Variants in FCRLB observed in about 807,000 individuals in gnomAD.
FCRLB encodes Fc receptor like B.
In FCRLB, 34 loss-of-function variants were observed where a neutral mutation model predicts 33.6. The observed-to-expected ratio is 1.01, with a 90% CI of 0.77 to 1.35. FCRLB has a LOEUF of 1.35. Ranked by LOEUF, FCRLB falls within the 40% of genes most tolerant of loss-of-function variation. The pLI is 0.00. For synonymous variants in FCRLB, 280 were observed against 255.9 expected (o/e 1.09, Z -0.90); for missense variants, 560 against 580.2 (o/e 0.97, Z 0.36).
intron 5 of FCRLB, among the ~76,000 whole-genome samples, chr1:161,724,937 G>A (rs896488538): frequency 6.6e-6 from 1 of 152,164 alleles, no homozygotes; most frequent in East Asian, 1.9e-4. Context: ...GGACAAGCAG[G>A]TGAACTTAAA....
chr1:161,723,734 A>G (rs1683451327), intron 5 of FCRLB, 113 bp downstream of exon 5: 3 of 1,455,020 alleles, frequency 2.1e-6, no homozygotes, highest in Admixed American at 2.2e-5. Flanking sequence ...CAAGGGCCAC[A>G]CTGGGGCCTA....
Position 161,726,580 on chromosome 1 carries a change from C to A in FCRLB, c.575-123C>A. ...CTCCCCTTCCCCCTCCACGTGGACA[C>A]ACGGCCTCCTCCCCTCCCCCCTTGG... is the stretch of plus-strand genomic sequence containing the variant. On this transcript the variant is annotated intron_variant, in intron 6 of 7. Transcript: ENST00000367948. This position sits in a 1 kb window ranked among gnomAD's most constrained non-coding sequence, Gnocchi z 5.2. 1 of 1,359,156 alleles carries A rather than the reference C, an allele frequency of 7.4e-7. No individual in the cohort carries two copies. The highest frequency in any genetic ancestry group is 1.0e-6 in the Non-Finnish European group (1 of 986,168). 84.2% of individuals were successfully genotyped at this position (1,359,156 alleles called of 1,614,324 possible). A position where few individuals can be genotyped will look rare whatever the true frequency, so the allele number is the denominator to read the frequency against.
chr1:161,722,458 G>A (rs1219569641), intron 2 of FCRLB, among the ~76,000 whole-genome samples, 195 bp from the exon 3 acceptor site: 1 of 152,182 alleles, frequency 6.6e-6, no homozygotes, highest in Non-Finnish European at 1.5e-5. Flanking sequence ...CTGTAGATGC[G>A]GTAGATGAGA....
chr1:161,727,230 G>C lies in FCRLB; in HGVS notation c.866-17G>C. The stretch of plus-strand genomic sequence containing the variant: ...AACCATGCAAGCCGCGCGTGACTGG[G>C]CGTAATGCATTCACAGGTTCTCCCC... On this transcript the variant is annotated splice_polypyrimidine_tract_variant and intron_variant, in intron 7 of 7. Coordinates refer to ENST00000367948, the Ensembl canonical transcript of FCRLB. 1.3e-6 allele frequency: 2 copies of C among 1,579,388 alleles called. No individual in the cohort carries two copies. The highest frequency in any genetic ancestry group is 1.7e-6 in the Non-Finnish European group (2 of 1,160,148).
chr1:161,726,699 G>A lies in FCRLB; in HGVS notation c.575-4G>A, dbSNP rs371131821. 4.3e-5 allele frequency: 68 copies of A among 1,588,872 alleles called. No individual in the cohort carries two copies. The highest frequency in any genetic ancestry group is 2.0e-4 in the East Asian group (9 of 44,094). On this transcript the variant is annotated splice_region_variant and splice_polypyrimidine_tract_variant and intron_variant, in intron 6 of 7. Transcript: ENST00000367948. The surrounding 1 kb of genome is among the most constrained non-coding windows in gnomAD (Gnocchi z 5.2). ...GGCGCCGTTGCTCCCCGCCCTCTCC[G>A]TAGAGCTGTTCCGGGCGCCGGTGCT...
intron 2 of FCRLB, 29 bp from the exon 3 acceptor site, chr1:161,722,624 C>T (rs1476856706): frequency 1.2e-6 from 2 of 1,610,454 alleles, no homozygotes; most frequent in Admixed American, 3.3e-5. Context: ...TTCCCCATCT[C>T]ATGCCAGTGC....
In FCRLB at chr1:161,726,079, C is replaced by G. The variant is rs1420358656; in HGVS notation, c.566C>G (p.Thr189Arg). The G allele has an allele frequency of 1.1e-5, 18 of 1,608,666 alleles. No individual in the cohort carries two copies. The highest frequency in any genetic ancestry group is 1.4e-5 in the Non-Finnish European group (17 of 1,176,266). ...ATGTTCTCCGCTAAGGTGGCTGTGA[C>G]AGTGCAAGGTGGGAGAGACCAGGGG... The change falls in exon 6 of 8, where the codon ACA becomes AGA. Residue 189 changes from threonine to arginine, a missense_variant. By Grantham distance (71) the Thr-to-Arg change is moderately conservative. Transcript: ENST00000367948. The surrounding 1 kb of genome is among the most constrained non-coding windows in gnomAD (Gnocchi z 5.2).
Position 161,726,848 on chromosome 1 carries a change from C to G in FCRLB, c.720C>G (p.Ser240Arg). ...TGCAGTTCGCGTTTTACAAGTACAG[C>G]CGCGCGGTGCGCCGCTTCGACTGGG... Residue 240 changes from serine to arginine, a missense_variant, in exon 7 of 8, where the codon AGC (serine) becomes AGG (arginine). Coordinates refer to ENST00000367948, the Ensembl canonical transcript of FCRLB. This position sits in a 1 kb window ranked among gnomAD's most constrained non-coding sequence, Gnocchi z 5.2. The G allele has an allele frequency of 6.4e-7, 1 of 1,573,614 alleles. No homozygotes were observed. Among genetic ancestry groups the G allele is most frequent in the African/African-American group, 1.4e-5 (1 of 73,908 alleles).
chr1:161,726,570 C>T lies in FCRLB; in HGVS notation c.575-133C>T. The T allele has an allele frequency of 7.9e-7, 1 of 1,263,034 alleles. No individual in the cohort carries two copies. The highest frequency in any genetic ancestry group is 1.1e-6 in the Non-Finnish European group (1 of 898,298). 78.2% of individuals were successfully genotyped at this position (1,263,034 alleles called of 1,614,324 possible). A position where few individuals can be genotyped will look rare whatever the true frequency, so the allele number is the denominator to read the frequency against. On this transcript the variant is annotated intron_variant, in intron 6 of 7. Coordinates refer to ENST00000367948, the Ensembl canonical transcript of FCRLB. This position sits in a 1 kb window ranked among gnomAD's most constrained non-coding sequence, Gnocchi z 5.2. ...TTTCAGAAGGCTCCCCTTCCCCCTC[C>T]ACGTGGACACACGGCCTCCTCCCCT...
rs139259107 is a variant in FCRLB, at chr1:161,723,536, C to A, written c.222C>A (p.Ser74Arg). The change falls in exon 5 of 8, where the codon AGC becomes AGA. Residue 74 changes from serine to arginine, a missense_variant. Coordinates refer to ENST00000367948, the Ensembl canonical transcript of FCRLB. ...TACTTCTGCCCTCTCACAAGAAGAGCATTGAGGTGCAGACACCAGGGGTGT... is the reference window on the plus strand; with the variant it reads ...TACTTCTGCCCTCTCACAAGAAGAGAATTGAGGTGCAGACACCAGGGGTGT... The A allele has an allele frequency of 4.6e-5, 75 of 1,614,204 alleles. 1 individual carries two copies. In the African/African-American group the frequency reaches 8.8e-4, roughly 19 times the overall value.
At chr1:161,723,261 G>T (rs544349150) in intron 4 of FCRLB, 106 bp from the exon 5 acceptor site, 1 of 1,413,252 alleles carries the variant, frequency 7.1e-7, no homozygotes, top group African/African-American at 1.4e-5. Flanking sequence ...GCTGGGGCCT[G>T]CGAGCTGGGG....
chr1:161,723,352 C>A lies in FCRLB; in HGVS notation c.53-15C>A. On this transcript the variant is annotated splice_polypyrimidine_tract_variant and intron_variant, in intron 4 of 7. Transcript: ENST00000367948. Reference sequence around the variant, plus strand: ...CTTTGCATGCTGCCCCCTCTCACCCCACTCCCCACCCCAGCTACTCTGGAG... The same window carrying A: ...CTTTGCATGCTGCCCCCTCTCACCCAACTCCCCACCCCAGCTACTCTGGAG... 1 of 1,612,370 alleles carries A rather than the reference C, an allele frequency of 6.2e-7. No homozygotes were observed. The highest frequency in any genetic ancestry group is 8.5e-7 in the Non-Finnish European group (1 of 1,178,816).
exon 8 of FCRLB, chr1:161,727,413 C>A: frequency 6.2e-7 from 1 of 1,613,072 alleles, no homozygotes; most frequent in Non-Finnish European, 8.5e-7. Flanking sequence ...TCCCGGCGAG[C>A]GGCGCCCCGA....
chr1:161,721,955 T>C (rs967334792), intron 2 of FCRLB, 105 bp downstream of exon 2: 3 of 152,106 alleles, frequency 2.0e-5, no homozygotes, highest in Admixed American at 1.3e-4. Flanking sequence ...GATGAGCTCA[T>C]TGGGATGGGT....
Position 161,726,352 on chromosome 1 carries a change from G to A in FCRLB, c.574+265G>A. On this transcript the variant is annotated intron_variant, in intron 6 of 7. Coordinates refer to ENST00000367948, the Ensembl canonical transcript of FCRLB. This position sits in a 1 kb window ranked among gnomAD's most constrained non-coding sequence, Gnocchi z 5.2. ...CCACAGAGAGGGCAGCTCTGGCAGG[G>A]GCAGGGGCCACTGTGGGACTGGGAC... 1.3e-6 allele frequency: 1 copy of A among 743,200 alleles called. No individual in the cohort carries two copies. Among genetic ancestry groups the A allele is most frequent in the Non-Finnish European group, 2.4e-6 (1 of 424,472 alleles). 46.0% of individuals were successfully genotyped at this position (743,200 alleles called of 1,614,324 possible).
chr1:161,722,822 T>C, intron 3 of FCRLB, 119 bp downstream of exon 3: 1 of 1,503,520 alleles, frequency 6.7e-7, no homozygotes, highest in South Asian at 1.2e-5. Context: ...ATTATCTTTT[T>C]TTGGAGGGGT....
At position 161,725,897 on chromosome 1, in the gene FCRLB, C is replaced by A. The variant is rs1325788233; in HGVS notation, c.384C>A (p.Tyr128Ter). The A allele has an allele frequency of 6.2e-7, 1 of 1,614,106 alleles. No homozygotes were observed. ...TAGTCCTGCGCTGCCGCGGCTGGTA[C>A]GACAAGGTGGTCTACAAGCTTCACT... is the stretch of plus-strand genomic sequence containing the variant. The change falls in exon 6 of 8, where the codon TAC (tyrosine) becomes TAA (stop). Residue 128 changes from tyrosine (Y) to a stop codon, truncating the protein, a stop_gained. Coordinates refer to ENST00000367948, the Ensembl canonical transcript of FCRLB. LOFTEE classifies it high-confidence loss of function.
Position 161,726,525 on chromosome 1 carries a change from C to A in FCRLB, c.575-178C>A. 1 of 903,770 alleles carries A rather than the reference C, an allele frequency of 1.1e-6. No individual in the cohort carries two copies. Among genetic ancestry groups the A allele is most frequent in the African/African-American group, 1.6e-5 (1 of 60,942 alleles). The allele number at this position is 903,770 out of a possible 1,614,324, so 56.0% of individuals were successfully genotyped here. On this transcript the variant is annotated intron_variant, in intron 6 of 7. Coordinates refer to ENST00000367948, the Ensembl canonical transcript of FCRLB. The surrounding 1 kb of genome is among the most constrained non-coding windows in gnomAD (Gnocchi z 5.2). ...TCAAGCTTTCCCCGTCCCTCGTGGA[C>A]TCGGTCCCCCTGCCCCACATTTCAG...
In FCRLB at chr1:161,726,779, G is replaced by A. The variant is rs755826788; in HGVS notation, c.651G>A (p.Leu217=). ...GCGCGGCGCTGGGTGGGGTGGTGCT[G>A]CGCTGCGACACGCGCCTGCACCCGC... The change falls in exon 7 of 8, where the codon CTG becomes CTA. Residue 217 remains leucine, a synonymous_variant. Transcript: ENST00000367948. This position sits in a 1 kb window ranked among gnomAD's most constrained non-coding sequence, Gnocchi z 5.2. 6 of 1,575,488 alleles carry A rather than the reference G, an allele frequency of 3.8e-6. No individual in the cohort carries two copies. Among genetic ancestry groups the A allele is most frequent in the Non-Finnish European group, 5.2e-6 (6 of 1,163,886 alleles).
Sources: allele counts gnomAD v4.1 joint callset (sites outside exome capture counted in the v4.1 genomes callset), GRCh38; gene constraint gnomAD v4.1.1; non-coding constraint Gnocchi (gnomAD v3.1); transcripts MANE v1.5; gene names NCBI Gene and HGNC (gene_info 2026-07-23, HGNC 2026-07-21).